The following RAD54B variants were observed in gnomAD, a reference collection of about 807,000 sequenced individuals.
RAD54B encodes RAD54 homolog B.
A neutral mutation model predicts 95.8 loss-of-function variants in RAD54B; 78 were observed. That is an observed-to-expected ratio of 0.81 (90% confidence interval 0.68 to 0.98). RAD54B has a LOEUF of 0.98. Ranked by LOEUF, RAD54B falls within the 50% of genes least tolerant of loss-of-function variation. The pLI, the probability that RAD54B is intolerant of heterozygous loss-of-function variation, is 0.00. For missense variants in RAD54B, 957 were observed against 1,056.6 expected, an observed-to-expected ratio of 0.91 and a Z score of 1.31; for synonymous variants, 328 against 354.9, an observed-to-expected ratio of 0.92 and a Z score of 0.85.
At chr8:94,399,362 T>A in intron 8 of RAD54B, 52 bp downstream of exon 8, 1 of 1,404,218 alleles carries the variant, frequency 7.1e-7, no homozygotes, top group Non-Finnish European at 1.0e-6. Flanking sequence ...TACAAGTCTG[T>A]ATGTTCACTA....
rs184231962 is a variant in RAD54B at position 94,430,242 on chromosome 8, C to G, written c.305-18927G>C. 1,552 of 782,138 alleles carry G rather than the reference C, an allele frequency of 2.0e-3. 1 individual carries two copies. The highest frequency in any genetic ancestry group is 2.1e-3 in the Non-Finnish European group (1,362 of 646,454). 48.4% of individuals were successfully genotyped at this position (782,138 alleles called of 1,614,324 possible). On this transcript the variant is annotated intron_variant, in intron 3 of 14. Coordinates refer to ENST00000336148, the MANE Select transcript of RAD54B (RefSeq NM_012415.3). Reference sequence around the variant, plus strand: ...AGGAGAATCGCTTGAACCCAGGAAACGGAGATTGCAGTGAGCCAACATCGC... The same window carrying G: ...AGGAGAATCGCTTGAACCCAGGAAAGGGAGATTGCAGTGAGCCAACATCGC...
chr8:94,409,980 A>G (rs1056640514), intron 4 of RAD54B, among the ~76,000 whole-genome samples: 1 of 152,126 alleles, frequency 6.6e-6, no homozygotes, highest in African/African-American at 2.4e-5. Flanking sequence ...TTCCCCAATC[A>G]CTATACACAG....
In RAD54B at chr8:94,433,680, A is replaced by G. The variant is rs3136417; in HGVS notation, c.305-22365T>C. On this transcript the variant is annotated intron_variant, in intron 3 of 14. Transcript: ENST00000336148. Reference sequence around the variant, plus strand: ...ATGTATAACGTGAAGCTGTGAATTAAGAATATCTGCTCCTTGAGGTTGTTT... The same window carrying G: ...ATGTATAACGTGAAGCTGTGAATTAGGAATATCTGCTCCTTGAGGTTGTTT... 2.6e-3 allele frequency among the ~76,000 whole-genome samples: 391 copies of G among 152,052 alleles called. 5 individuals are homozygous for G. The highest frequency in any genetic ancestry group is 8.7e-3 in the African/African-American group (360 of 41,558).
intron 8 of RAD54B, among the ~76,000 whole-genome samples, chr8:94,397,478 A>G (rs1191583750): frequency 1.3e-5 from 2 of 152,144 alleles, no homozygotes; most frequent in African/African-American, 4.8e-5. Flanking sequence ...ACAGAGGACA[A>G]TACTAATGCC....
At chr8:94,461,297 C>A (rs1372989971) in intron 2 of RAD54B, among the ~76,000 whole-genome samples, 1 of 150,232 alleles carries the variant, frequency 6.7e-6, no homozygotes, top group South Asian at 2.1e-4. Flanking sequence ...CTCAGCCTCC[C>A]GAGTAGCTGA....
intron 3 of RAD54B, among the ~76,000 whole-genome samples, chr8:94,449,540 T>C (rs946683296): frequency 2.0e-5 from 3 of 147,032 alleles, no homozygotes; most frequent in African/African-American, 7.6e-5. Flanking sequence ...ACCCAGGAGG[T>C]AGATGTTACA....
At chr8:94,398,206 C>T (rs1811189632) in intron 8 of RAD54B, among the ~76,000 whole-genome samples, 1 of 152,094 alleles carries the variant, frequency 6.6e-6, no homozygotes, top group African/African-American at 2.4e-5. Flanking sequence ...TTGTCTTTAT[C>T]ATCGTGATTA....
chr8:94,462,557 T>C (rs1031143945), intron 2 of RAD54B, among the ~76,000 whole-genome samples: 6 of 152,172 alleles, frequency 3.9e-5, no homozygotes, highest in South Asian at 2.1e-4. Context: ...GATTTTGTAT[T>C]TATCAGACCA....
Position 94,399,607 on chromosome 8 carries a change from T to G in RAD54B, c.1185A>C (p.Glu395Asp). Reference sequence around the variant, plus strand: ...AATAAAATATAGACTTGATGAATTCTTCAACTTTGTGGTCCTGAGGAAAAA... The same window carrying G: ...AATAAAATATAGACTTGATGAATTCGTCAACTTTGTGGTCCTGAGGAAAAA... ...IFTVDQDHKV[E>D]EFIKSIFYSV... The change falls in exon 8 of 15, where the codon GAA (glutamate) becomes GAC (aspartate). Residue 395 changes from glutamate (E) to aspartate (D), a missense_variant. Glu to Asp is a conservative substitution (Grantham distance 45, BLOSUM62 2). Transcript: ENST00000336148. 1 of 1,608,182 alleles carries G rather than the reference T, an allele frequency of 6.2e-7. No individual in the cohort carries two copies. Among genetic ancestry groups the G allele is most frequent in the South Asian group, 1.1e-5 (1 of 90,156 alleles).
intron 3 of RAD54B, among the ~76,000 whole-genome samples, chr8:94,422,007 T>C (rs1811817264): frequency 6.6e-6 from 1 of 152,362 alleles, no homozygotes; most frequent in African/African-American, 2.4e-5. Flanking sequence ...TATAGACTTT[T>C]ACCTGTCTTC....
intron 3 of RAD54B, among the ~76,000 whole-genome samples, chr8:94,435,710 A>G (rs545398862): frequency 6.8e-6 from 1 of 147,500 alleles, no homozygotes; most frequent in South Asian, 2.1e-4. Flanking sequence ...TTCTAACTCT[A>G]AAAAAACCCA....
chr8:94,454,829 C>G (rs1232067973), intron 3 of RAD54B, among the ~76,000 whole-genome samples: 2 of 152,172 alleles, frequency 1.3e-5, no homozygotes, highest in African/African-American at 4.8e-5. Flanking sequence ...ACACAAAAGT[C>G]TAACTTATCT....
At chr8:94,452,524 T>TA (rs2130164309) in intron 3 of RAD54B, among the ~76,000 whole-genome samples, 1 of 126,998 alleles carries the variant, frequency 7.9e-6, no homozygotes, top group East Asian at 2.6e-4. Flanking sequence ...TTTTTTGAGA[T>TA]AGAGTCTGCA....
At chr8:94,417,408 A>G (rs968219500) in intron 3 of RAD54B, among the ~76,000 whole-genome samples, 1 of 151,992 alleles carries the variant, frequency 6.6e-6, no homozygotes, top group African/African-American at 2.4e-5. Context: ...TGTTAATTGT[A>G]TCTCAATAAA....
chr8:94,471,809 T>G (rs28608052), intron 1 of RAD54B, among the ~76,000 whole-genome samples: 5,013 of 152,032 alleles, frequency 0.033, 106 homozygotes, highest in Non-Finnish European at 0.048. Flanking sequence ...ATTACCATAT[T>G]TCATCAAATC....
chr8:94,431,888 G>T, intron 3 of RAD54B: 1 of 1,170,754 alleles, frequency 8.5e-7, no homozygotes, highest in Non-Finnish European at 1.1e-6. Context: ...AATATCTTTT[G>T]TAAGGTCAAC....
intron 3 of RAD54B, among the ~76,000 whole-genome samples, chr8:94,414,381 G>C (rs1318397099): frequency 6.6e-6 from 1 of 152,174 alleles, no homozygotes; most frequent in African/African-American, 2.4e-5. Flanking sequence ...GGAGTGGTGA[G>C]AGAGGGCATC....
At chr8:94,406,137 G>A (rs1343191555) in intron 5 of RAD54B, among the ~76,000 whole-genome samples, 7 of 151,596 alleles carry the variant, frequency 4.6e-5, no homozygotes, top group African/African-American at 1.7e-4. Flanking sequence ...AGTATTTCCT[G>A]GAAAGAGTAT....
intron 14 of RAD54B, among the ~76,000 whole-genome samples, chr8:94,373,650 A>G (rs1810494306): frequency 6.6e-6 from 1 of 152,158 alleles, no homozygotes; most frequent in Non-Finnish European, 1.5e-5. Context: ...TGAGAAACAT[A>G]TTTCTATTGT....
Sources: allele counts gnomAD v4.1 joint callset (sites outside exome capture counted in the v4.1 genomes callset), GRCh38; gene constraint gnomAD v4.1.1; transcripts MANE v1.5; gene names NCBI Gene and HGNC (gene_info 2026-07-23, HGNC 2026-07-21).